Variants in GTF2E2 observed in about 807,000 individuals in gnomAD.
GTF2E2 encodes the protein transcription initiation factor IIE subunit beta.
GTF2E2 carries 21 observed loss-of-function variants against 40.5 expected under a neutral mutation model. That is an observed-to-expected ratio of 0.52 (90% CI 0.37 to 0.75). The LOEUF is 0.75. GTF2E2 is among the 30% of genes least tolerant of loss of function. The pLI is 0.00. For missense variants in GTF2E2, 298 were observed against 338.4 expected, an observed-to-expected ratio of 0.88 and a Z score of 0.94; for synonymous variants, 117 against 121.6, an observed-to-expected ratio of 0.96 and a Z score of 0.25.
At chr8:30,582,161 C>T (rs1171029629) in intron 6 of GTF2E2, among the ~76,000 whole-genome samples, 1 of 152,096 alleles carries the variant, frequency 6.6e-6, no homozygotes, top group African/African-American at 2.4e-5. Flanking sequence ...AAGGTACACA[C>T]CACCATGCCC....
At chr8:30,613,673 A>G (rs1417555156) in intron 4 of GTF2E2, among the ~76,000 whole-genome samples, 1 of 152,252 alleles carries the variant, frequency 6.6e-6, no homozygotes, top group Non-Finnish European at 1.5e-5. Flanking sequence ...ATACTGATTA[A>G]TGGTCATGTT....
At chr8:30,583,746 CA>C (rs1828581745) in intron 6 of GTF2E2, among the ~76,000 whole-genome samples, 1 of 152,232 alleles carries the variant, frequency 6.6e-6, no homozygotes, top group African/African-American at 2.4e-5. Flanking sequence ...TTTATATCTA[CA>C]TATTTATTAC....
At chr8:30,647,327 T>C (rs1802128534) in intron 2 of GTF2E2, among the ~76,000 whole-genome samples, 1 of 152,172 alleles carries the variant, frequency 6.6e-6, no homozygotes, top group South Asian at 2.1e-4. Flanking sequence ...ACGCCTGCAA[T>C]CCTAGCAGTT....
intron 2 of GTF2E2, chr8:30,645,276 T>A: frequency 6.6e-7 from 1 of 1,508,130 alleles, no homozygotes; most frequent in Non-Finnish European, 8.8e-7. Flanking sequence ...CTACCTTTTT[T>A]ATAGATTCAA....
intron 6 of GTF2E2, among the ~76,000 whole-genome samples, chr8:30,595,288 C>T (rs1475534066): frequency 2.0e-5 from 3 of 152,126 alleles, no homozygotes; most frequent in African/African-American, 7.2e-5. Context: ...TTTCCCATAA[C>T]ACGCCCTAAA....
At chr8:30,605,824 C>A (rs1327204972) in intron 6 of GTF2E2, among the ~76,000 whole-genome samples, 2 of 152,060 alleles carry the variant, frequency 1.3e-5, no homozygotes, top group Non-Finnish European at 2.9e-5. Context: ...CCAAGCCTGG[C>A]TAATTTTTCA....
intron 1 of GTF2E2, among the ~76,000 whole-genome samples, chr8:30,656,378 G>A (rs1308390920): frequency 6.6e-6 from 1 of 152,118 alleles, no homozygotes; most frequent in Non-Finnish European, 1.5e-5. Flanking sequence ...GAAAGCGTGG[G>A]GCCAAGAAGA....
chr8:30,622,440 G>A (rs1585975549), intron 3 of GTF2E2, among the ~76,000 whole-genome samples: 1 of 148,444 alleles, frequency 6.7e-6, no homozygotes, highest in Admixed American at 6.7e-5. Context: ...CAAGATAATA[G>A]AGTATCACAA....
chr8:30,599,675 C>A (rs1402696615), intron 6 of GTF2E2, among the ~76,000 whole-genome samples: 1 of 151,394 alleles, frequency 6.6e-6, no homozygotes, highest in African/African-American at 2.4e-5. Context: ...AATAGAATAC[C>A]ATGTAGCCAT....
At chr8:30,649,981 C>G (rs1243676460) in intron 2 of GTF2E2, among the ~76,000 whole-genome samples, 1 of 152,152 alleles carries the variant, frequency 6.6e-6, no homozygotes, top group African/African-American at 2.4e-5. Context: ...CAAAGGAAAG[C>G]TGAAGCCCAA....
chr8:30,598,056 C>T (rs1422188694), intron 6 of GTF2E2, among the ~76,000 whole-genome samples: 1 of 152,182 alleles, frequency 6.6e-6, no homozygotes, highest in Non-Finnish European at 1.5e-5. Context: ...TCTAATTTAT[C>T]AACATGTGAA....
chr8:30,610,365 G>C (rs1415286480), intron 5 of GTF2E2, among the ~76,000 whole-genome samples: 1 of 147,864 alleles, frequency 6.8e-6, no homozygotes, highest in Middle Eastern at 3.4e-3. Flanking sequence ...ACTACTGCTT[G>C]AACCTGGGAG....
intron 5 of GTF2E2, among the ~76,000 whole-genome samples, chr8:30,607,993 G>C (rs1355945301): frequency 6.6e-6 from 1 of 152,166 alleles, no homozygotes; most frequent in African/African-American, 2.4e-5. Flanking sequence ...CTTTTCAAGA[G>C]ATATAAAAGA....
intron 5 of GTF2E2, among the ~76,000 whole-genome samples, chr8:30,611,587 A>G (rs1303201035): frequency 5.9e-5 from 9 of 152,216 alleles, no homozygotes; most frequent in African/African-American, 2.2e-4. Flanking sequence ...GGAAGTGAAG[A>G]AGAAAAGTGA....
chr8:30,595,658 C>G (rs1828978411), intron 6 of GTF2E2, among the ~76,000 whole-genome samples: 1 of 152,142 alleles, frequency 6.6e-6, no homozygotes, highest in Non-Finnish European at 1.5e-5. Flanking sequence ...GGTGAAACCC[C>G]ATCTCTACTA....
chr8:30,609,202 G>A (rs992473463), intron 5 of GTF2E2, among the ~76,000 whole-genome samples: 5 of 150,784 alleles, frequency 3.3e-5, no homozygotes, highest in African/African-American at 1.2e-4. Flanking sequence ...GGAGACAGAG[G>A]TTGCAGTGAG....
chr8:30,614,644 A>G lies in GTF2E2; in HGVS notation c.330T>C (p.Asp110=), dbSNP rs1800860222. Residue 110 remains aspartate (D), a synonymous_variant, in exon 4 of 8, where the codon GAT becomes GAC. Coordinates refer to ENST00000355904, the MANE Select transcript of GTF2E2 (RefSeq NM_002095.6). ...DEILDETQHL[D]IGLKQKQWLM... ...GCCATTGTTTCTGCTTGAGTCCAAT[A>G]TCTAAATGTTGTGTTTCATCCAAAA... 3 of 1,604,744 alleles carry G rather than the reference A, an allele frequency of 1.9e-6. No individual in the cohort carries two copies. The highest frequency in any genetic ancestry group is 2.6e-6 in the Non-Finnish European group (3 of 1,171,650).
At position 30,578,673 on chromosome 8, in the gene GTF2E2, C is replaced by A; in HGVS notation, c.*248G>T. 2.8e-6 allele frequency: 1 copy of A among 355,674 alleles called. No individual in the cohort carries two copies. The highest frequency in any genetic ancestry group is 4.4e-5 in the South Asian group (1 of 22,696). The allele number at this position is 355,674 out of a possible 1,614,324, so 22.0% of individuals were successfully genotyped here. The stretch of plus-strand genomic sequence containing the variant: ...GTGGAGAAAAACACAGCAAAGACAC[C>A]TGCATGCCACGCTCAGCGCCTTTCT... On this transcript the variant is annotated 3_prime_UTR_variant, in exon 8 of 8. Coordinates refer to ENST00000355904, the MANE Select transcript of GTF2E2 (RefSeq NM_002095.6).
At chr8:30,657,014 CA>C (rs1802469873) in intron 1 of GTF2E2, 1 of 152,118 alleles carries the variant, frequency 6.6e-6, no homozygotes, top group African/African-American at 2.4e-5. Flanking sequence ...ACTCCTAACT[CA>C]AGTGCTCCTT....
Sources: gnomAD v4.1 joint callset for allele counts (sites outside exome capture counted in the v4.1 genomes callset) on GRCh38, gnomAD v4.1.1 for gene constraint, MANE v1.5 for transcripts, NCBI Gene and HGNC (gene_info 2026-07-23, HGNC 2026-07-21) for gene names.